APP: variants seen among roughly 807,000 people sequenced by gnomAD.
APP encodes the protein amyloid beta precursor protein.
Under a neutral mutation model 101.4 loss-of-function variants are expected in APP, and 31 were observed. That is an observed-to-expected ratio of 0.31 (90% CI 0.23 to 0.41). APP has a LOEUF of 0.41. Ranked by LOEUF, APP falls within the 10% of genes least tolerant of loss-of-function variation. The pLI is 1.00. For synonymous variants in APP, 366 were observed against 364.4 expected, an observed-to-expected ratio of 1.00 and a Z score of -0.05; for missense variants, 839 against 1,003.7, an observed-to-expected ratio of 0.84 and a Z score of 2.22.
At chr21:25,999,753 T>C (rs2043207114) in intron 7 of APP, among the ~76,000 whole-genome samples, 1 of 152,048 alleles carries the variant, frequency 6.6e-6, no homozygotes, top group South Asian at 2.1e-4. Flanking sequence ...CACTCAAAAG[T>C]CCCTCTGGAT....
At chr21:25,974,387 G>A (rs1244897885) in intron 11 of APP, among the ~76,000 whole-genome samples, 3 of 152,136 alleles carry the variant, frequency 2.0e-5, no homozygotes, top group Non-Finnish European at 4.4e-5. Context: ...ACAGTGTGAT[G>A]CTATTTGAGG....
chr21:26,074,353 T>C (rs1462809017), intron 3 of APP, among the ~76,000 whole-genome samples: 1 of 152,244 alleles, frequency 6.6e-6, no homozygotes, highest in East Asian at 1.9e-4. Flanking sequence ...CAGGAGTTCA[T>C]GTTTAGCATT....
At chr21:25,998,919 T>C (rs1406871780) in intron 7 of APP, among the ~76,000 whole-genome samples, 2 of 152,236 alleles carry the variant, frequency 1.3e-5, no homozygotes, top group East Asian at 3.8e-4. Context: ...AATTTCATCA[T>C]GCACTTAAGT....
intron 13 of APP, among the ~76,000 whole-genome samples, chr21:25,932,033 T>C (rs999695787): frequency 2.0e-5 from 3 of 152,200 alleles, no homozygotes; most frequent in South Asian, 2.1e-4. Context: ...CATGATAAAA[T>C]AACATGTTGT....
At chr21:25,936,783 T>A (rs1678428453) in intron 13 of APP, among the ~76,000 whole-genome samples, 1 of 152,248 alleles carries the variant, frequency 6.6e-6, no homozygotes, top group South Asian at 2.1e-4. Flanking sequence ...CCTAGCAGAC[T>A]AATGCATTTA....
chr21:26,140,202 TG>T, intron 1 of APP: 4 of 1,536,152 alleles, frequency 2.6e-6, no homozygotes, highest in Non-Finnish European at 3.5e-6. Flanking sequence ...CATTTGAATC[TG>T]GGGAAGAGCT....
chr21:25,898,313 C>T (rs1033116925), intron 15 of APP, among the ~76,000 whole-genome samples: 1 of 152,146 alleles, frequency 6.6e-6, no homozygotes, highest in East Asian at 1.9e-4. Context: ...GAATTTATAA[C>T]CTACGAACTC....
At chr21:25,935,541 A>C (rs1156818226) in intron 13 of APP, among the ~76,000 whole-genome samples, 1 of 151,986 alleles carries the variant, frequency 6.6e-6, no homozygotes, top group Admixed American at 6.6e-5. Context: ...TACACTAAAA[A>C]CTAATTTAAA....
intron 3 of APP, among the ~76,000 whole-genome samples, chr21:26,074,111 G>A (rs558366712): frequency 3.9e-5 from 6 of 152,208 alleles, no homozygotes; most frequent in African/African-American, 7.2e-5. Flanking sequence ...GTTATACCAC[G>A]TTCTCGGAAG....
chr21:26,021,818 A>C (rs746660506), intron 6 of APP, 22 bp downstream of exon 6: 2 of 1,610,938 alleles, frequency 1.2e-6, no homozygotes, highest in East Asian at 4.5e-5. Flanking sequence ...GGTGGGGGGA[A>C]TCCAAGCAAA....
intron 3 of APP, among the ~76,000 whole-genome samples, chr21:26,083,159 C>T (rs1017595446): frequency 2.0e-5 from 3 of 152,106 alleles, no homozygotes; most frequent in Admixed American, 2.0e-4. Flanking sequence ...ATTACACCAA[C>T]TATAAGATTT....
intron 2 of APP, 63 bp downstream of exon 2, chr21:26,111,916 A>G (rs2062333081): frequency 6.3e-7 from 1 of 1,584,198 alleles, no homozygotes; most frequent in Non-Finnish European, 8.7e-7. Context: ...ACAAGAAGTT[A>G]AATTTTTTGA....
intron 6 of APP, among the ~76,000 whole-genome samples, chr21:26,004,522 G>T (rs539711781): frequency 3.9e-4 from 59 of 152,126 alleles, no homozygotes; most frequent in African/African-American, 1.3e-3. Flanking sequence ...TCGATCTCCT[G>T]ACCTCATGAT....
rs1436673264 is a variant in APP, at chr21:26,029,061, G to C, written c.663-7019C>G. Reference sequence around the variant, plus strand: ...GGTAAGAGCAAGTGCAAAGGCCCAGGTGTGAGGAAGAGATTAGCACGTTCA... The same window carrying C: ...GGTAAGAGCAAGTGCAAAGGCCCAGCTGTGAGGAAGAGATTAGCACGTTCA... On this transcript the variant is annotated intron_variant, in intron 5 of 17. Transcript: ENST00000346798. 5.3e-5 allele frequency among the ~76,000 whole-genome samples: 8 copies of C among 152,032 alleles called. No individual in the cohort carries two copies. The East Asian group carries it at 1.4e-3, about 26-fold the overall frequency.
chr21:25,907,087 A>G (rs1295791285), intron 14 of APP, among the ~76,000 whole-genome samples: 2 of 152,186 alleles, frequency 1.3e-5, no homozygotes, highest in Non-Finnish European at 2.9e-5. Flanking sequence ...TACTTATGTG[A>G]AAGAAACTTA....
At chr21:25,945,037 T>A (rs748907036) in intron 13 of APP, among the ~76,000 whole-genome samples, 2 of 152,220 alleles carry the variant, frequency 1.3e-5, no homozygotes, top group Non-Finnish European at 2.9e-5. Context: ...TGGGAGACCA[T>A]GCCTCAGGCT....
intron 13 of APP, among the ~76,000 whole-genome samples, chr21:25,952,209 C>T (rs2041113174): frequency 6.6e-6 from 1 of 151,730 alleles, no homozygotes; most frequent in Admixed American, 6.6e-5. Context: ...CACACACACA[C>T]ACACACACAC....
At chr21:26,138,477 C>T (rs2062967473) in intron 1 of APP, among the ~76,000 whole-genome samples, 1 of 150,950 alleles carries the variant, frequency 6.6e-6, no homozygotes, top group South Asian at 2.1e-4. Context: ...ATTTCTTGAG[C>T]CCAGGAGTTC....
chr21:26,084,552 T>C (rs1185434354), intron 3 of APP, among the ~76,000 whole-genome samples: 1 of 152,210 alleles, frequency 6.6e-6, no homozygotes, highest in African/African-American at 2.4e-5. Flanking sequence ...ACACCATTTT[T>C]ATAGGTGTTC....
Sources: gnomAD v4.1 joint callset for allele counts (sites outside exome capture counted in the v4.1 genomes callset) on GRCh38, gnomAD v4.1.1 for gene constraint, MANE v1.5 for transcripts, NCBI Gene and HGNC (gene_info 2026-07-23, HGNC 2026-07-21) for gene names.